The following CDH12 variants were observed in gnomAD, a reference collection of about 807,000 sequenced individuals.
The protein encoded by CDH12 is cadherin 12.
Under a neutral mutation model 74.1 loss-of-function variants are expected in CDH12, and 41 were observed. The observed-to-expected ratio is 0.55, with a 90% confidence interval of 0.43 to 0.72. The LOEUF is 0.72. Ranked by LOEUF, CDH12 falls within the 30% of genes least tolerant of loss-of-function variation. The probability of loss-of-function intolerance (pLI) is 0.00; values close to 1 mark genes in which losing one functional copy is unlikely to be tolerated. For synonymous variants in CDH12, 399 were observed against 355.0 expected, an observed-to-expected ratio of 1.12 and a Z score of -1.39; for missense variants, 945 against 977.2, an observed-to-expected ratio of 0.97 and a Z score of 0.44.
intron 11 of CDH12, among the ~76,000 whole-genome samples, chr5:21,777,372 T>C (rs560904880): frequency 6.6e-6 from 1 of 152,304 alleles, no homozygotes; most frequent in South Asian, 2.1e-4. Flanking sequence ...AATTTTGATA[T>C]GTAAGCCCTC....
intron 1 of CDH12, among the ~76,000 whole-genome samples, chr5:22,821,635 C>T (rs967329955): frequency 6.6e-6 from 1 of 152,010 alleles, no homozygotes; most frequent in Admixed American, 6.6e-5. Context: ...TTCACAATTG[C>T]TTCAAAGAGA....
intron 6 of CDH12, among the ~76,000 whole-genome samples, chr5:21,935,906 T>A (rs529362703): frequency 1.3e-5 from 2 of 152,200 alleles, no homozygotes; most frequent in African/African-American, 4.8e-5. Flanking sequence ...CTATCCACAT[T>A]GTAGCAAATG....
intron 3 of CDH12, among the ~76,000 whole-genome samples, chr5:22,249,566 C>G (rs549359691): frequency 6.6e-6 from 1 of 152,030 alleles, no homozygotes; most frequent in South Asian, 2.1e-4. Flanking sequence ...TTGAAAGTGA[C>G]AATAAAATGC....
chr5:21,961,019 T>G (rs1253084009), intron 6 of CDH12, among the ~76,000 whole-genome samples: 3 of 152,094 alleles, frequency 2.0e-5, no homozygotes, highest in Admixed American at 6.6e-5. Context: ...CATGAAATTT[T>G]TTGTGTAGTG....
intron 4 of CDH12, among the ~76,000 whole-genome samples, chr5:22,114,660 G>C (rs1275784110): frequency 6.6e-6 from 1 of 152,014 alleles, no homozygotes; most frequent in Non-Finnish European, 1.5e-5. Flanking sequence ...TTCTTATATT[G>C]TTGCTTAATT....
intron 2 of CDH12, among the ~76,000 whole-genome samples, chr5:22,414,740 T>C (rs1261388): frequency 0.92 from 140,134 of 151,788 alleles, 64,736 homozygotes; most frequent in Admixed American, 0.96. Flanking sequence ...ATAATTATTA[T>C]ATTTTAATTA....
intron 1 of CDH12, among the ~76,000 whole-genome samples, chr5:22,605,353 G>C (rs1284584520): frequency 6.6e-6 from 1 of 152,170 alleles, no homozygotes. Context: ...CCTGACTGAA[G>C]CACCTATGAG....
chr5:22,509,044 A>G (rs1034411785), intron 1 of CDH12, among the ~76,000 whole-genome samples: 2 of 152,212 alleles, frequency 1.3e-5, no homozygotes, highest in African/African-American at 4.8e-5. Context: ...TTACTCTAAT[A>G]AAACAACTTC....
At chr5:22,734,967 G>A (rs7704744) in intron 1 of CDH12, among the ~76,000 whole-genome samples, 45,604 of 151,574 alleles carry the variant, frequency 0.3, 6,992 homozygotes, top group South Asian at 0.35. Context: ...TATAATTATG[G>A]AATATTATTC....
chr5:22,299,606 T>C (rs1737779729), intron 3 of CDH12, among the ~76,000 whole-genome samples: 1 of 152,200 alleles, frequency 6.6e-6, no homozygotes, highest in Non-Finnish European at 1.5e-5. Flanking sequence ...GCAAAGAATC[T>C]CTTTGGTCTT....
chr5:22,332,432 A>G (rs1739389569), intron 3 of CDH12, among the ~76,000 whole-genome samples: 3 of 152,190 alleles, frequency 2.0e-5, no homozygotes, highest in African/African-American at 7.2e-5. Flanking sequence ...AAAGATTAAA[A>G]AGCAATTGGA....
chr5:21,786,207 G>T (rs1746188713), intron 10 of CDH12, among the ~76,000 whole-genome samples: 2 of 152,158 alleles, frequency 1.3e-5, no homozygotes, highest in Admixed American at 1.3e-4. Context: ...AGGCTGGAGT[G>T]CAATGGTATG....
intron 5 of CDH12, among the ~76,000 whole-genome samples, chr5:22,025,046 A>G (rs970807080): frequency 1.3e-5 from 2 of 152,174 alleles, no homozygotes; most frequent in African/African-American, 4.8e-5. Context: ...CTTTACTATG[A>G]TGCCTAATAA....
At chr5:22,047,273 T>A (rs1468751886) in intron 5 of CDH12, among the ~76,000 whole-genome samples, 4 of 152,216 alleles carry the variant, frequency 2.6e-5, no homozygotes, top group Admixed American at 2.6e-4. Flanking sequence ...TTCATTCTAT[T>A]CTCTCTTACT....
At chr5:22,103,747 T>C (rs967662125) in intron 4 of CDH12, among the ~76,000 whole-genome samples, 1 of 152,220 alleles carries the variant, frequency 6.6e-6, no homozygotes, top group Non-Finnish European at 1.5e-5. Context: ...ACATAGTACT[T>C]TCATTTCTCA....
intron 1 of CDH12, among the ~76,000 whole-genome samples, chr5:22,753,279 T>C (rs1189121920): frequency 1.3e-5 from 2 of 151,504 alleles, no homozygotes; most frequent in Admixed American, 6.6e-5. Flanking sequence ...CTATTAAAAA[T>C]ACAAAAAATT....
At chr5:22,437,553 A>ATAAAT (rs1453978600) in intron 2 of CDH12, among the ~76,000 whole-genome samples, 4 of 151,250 alleles carry the variant, frequency 2.6e-5, no homozygotes, top group Non-Finnish European at 5.9e-5. Context: ...TTTAAAAATA[A>ATAAAT]TAAATAAATA....
intron 1 of CDH12, among the ~76,000 whole-genome samples, chr5:22,840,768 G>A (rs193198028): frequency 4.6e-5 from 7 of 152,224 alleles, no homozygotes; most frequent in Admixed American, 3.9e-4. Context: ...GTATTATACA[G>A]TTTTATACAA....
intron 2 of CDH12, among the ~76,000 whole-genome samples, chr5:22,481,439 G>T (rs1746379425): frequency 6.6e-6 from 1 of 152,162 alleles, no homozygotes. Flanking sequence ...GCAAGATACA[G>T]AAAACAATCT....
Sources: gnomAD v4.1 joint callset for allele counts (sites outside exome capture counted in the v4.1 genomes callset) on GRCh38, gnomAD v4.1.1 for gene constraint, MANE v1.5 for transcripts, NCBI Gene and HGNC (gene_info 2026-07-23, HGNC 2026-07-21) for gene names.